Variants in SLC15A2 observed in about 807,000 individuals in gnomAD.
SLC15A2 encodes kidney H(+)/peptide cotransporter.
SLC15A2 carries 77 observed loss-of-function variants against 95.5 expected under a neutral mutation model. The ratio of observed to expected loss-of-function variants is 0.81; its 90% CI spans 0.67 to 0.97. The LOEUF (loss-of-function observed/expected upper bound fraction) is 0.97, where lower values mean the gene tolerates loss of function less well. Ranked by LOEUF, SLC15A2 falls within the 50% of genes least tolerant of loss-of-function variation. The probability of loss-of-function intolerance (pLI) is 0.00; values close to 1 mark genes in which losing one functional copy is unlikely to be tolerated. For missense variants in SLC15A2, 893 were observed against 874.4 expected, an observed-to-expected ratio of 1.02 and a Z score of -0.27; for synonymous variants, 306 against 306.9, an observed-to-expected ratio of 1.00 and a Z score of 0.03.
intron 3 of SLC15A2, among the ~76,000 whole-genome samples, chr3:121,906,453 T>G (rs1709647191): frequency 6.6e-6 from 1 of 152,222 alleles, no homozygotes; most frequent in South Asian, 2.1e-4. Flanking sequence ...CTTTCTAGCA[T>G]TGATGGTCTT....
chr3:121,910,453 C>G (rs891216415), intron 3 of SLC15A2, among the ~76,000 whole-genome samples: 2 of 152,106 alleles, frequency 1.3e-5, no homozygotes, highest in South Asian at 2.1e-4. Context: ...CCTTGGCCCC[C>G]CAAAGTGCTG....
chr3:121,938,531 G>T (rs1463037816), intron 19 of SLC15A2, among the ~76,000 whole-genome samples: 2 of 152,196 alleles, frequency 1.3e-5, no homozygotes, highest in Non-Finnish European at 2.9e-5. Context: ...GATTTTCCAG[G>T]TGCCGTCTGT....
chr3:121,925,083 T>C, intron 13 of SLC15A2, 50 bp downstream of exon 13: 1 of 1,284,798 alleles, frequency 7.8e-7, no homozygotes, highest in African/African-American at 1.5e-5. Context: ...ACTCAGTCTT[T>C]GCCCAGTTTG....
At chr3:121,897,552 T>A in intron 3 of SLC15A2, 23 bp downstream of exon 3, 1 of 1,612,822 alleles carries the variant, frequency 6.2e-7, no homozygotes, top group Non-Finnish European at 8.5e-7. Flanking sequence ...GGAGGTCACA[T>A]CCCTACAAGT....
chr3:121,907,789 G>C (rs1416776321), intron 3 of SLC15A2, among the ~76,000 whole-genome samples: 1 of 152,204 alleles, frequency 6.6e-6, no homozygotes, highest in Admixed American at 6.5e-5. Context: ...GTGTCAGTTG[G>C]TCCCCACTGA....
At chr3:121,895,952 G>T (rs1459103868) in intron 1 of SLC15A2, among the ~76,000 whole-genome samples, 1 of 152,202 alleles carries the variant, frequency 6.6e-6, no homozygotes, top group African/African-American at 2.4e-5. Flanking sequence ...ATTCCTCCCA[G>T]CATGGCAAAC....
intron 16 of SLC15A2, 49 bp from the exon 17 acceptor site, chr3:121,929,253 A>C (rs761003352): frequency 6.2e-7 from 1 of 1,609,618 alleles, no homozygotes; most frequent in Non-Finnish European, 8.5e-7. Flanking sequence ...TTCTGAGTAT[A>C]GGTCTTATTT....
rs1710463064 is a variant in SLC15A2, at chr3:121,941,486, A to G, written c.*479A>G. On this transcript the variant is annotated 3_prime_UTR_variant, in exon 22 of 22. Transcript: ENST00000489711. The stretch of plus-strand genomic sequence containing the variant: ...ACAGGGGCCTCAAGAATTGGTATGT[A>G]TGATGTGATCTGGTCCAGCCAGGGC... 6.6e-6 allele frequency: 1 copy of G among 152,462 alleles called. No homozygotes were observed. The highest frequency in any genetic ancestry group is 1.5e-5 in the Non-Finnish European group (1 of 68,268). The allele number at this position is 152,462 out of a possible 1,614,324, so 9.4% of individuals were successfully genotyped here.
chr3:121,912,818 T>C (rs1709797779), intron 4 of SLC15A2, among the ~76,000 whole-genome samples: 1 of 152,158 alleles, frequency 6.6e-6, no homozygotes, highest in Non-Finnish European at 1.5e-5. Context: ...CATACTTTCT[T>C]GCAGAGGCCG....
chr3:121,909,414 T>C (rs185000837), intron 3 of SLC15A2, among the ~76,000 whole-genome samples: 2 of 152,332 alleles, frequency 1.3e-5, no homozygotes, highest in East Asian at 3.9e-4. Context: ...TTCAGTTTCT[T>C]GATTTGTAAA....
intron 4 of SLC15A2, among the ~76,000 whole-genome samples, chr3:121,912,688 T>C (rs1460350885): frequency 2.0e-5 from 3 of 152,166 alleles, no homozygotes; most frequent in Admixed American, 6.5e-5. Context: ...AAGTACTCCT[T>C]TGACCAAAAC....
rs1710234522 is a variant in SLC15A2 at position 121,931,635 on chromosome 3, C to T, written c.1665-4C>T. 6.3e-7 allele frequency: 1 copy of T among 1,599,368 alleles called. No individual in the cohort carries two copies. The highest frequency in any genetic ancestry group is 8.6e-7 in the Non-Finnish European group (1 of 1,166,894). Reference sequence around the variant, plus strand: ...TATTCTAACCTAAATTCATCCTGTTCCAGATACCCTGCAGTGCACTGTAGA... The same window carrying T: ...TATTCTAACCTAAATTCATCCTGTTTCAGATACCCTGCAGTGCACTGTAGA... On this transcript the variant is annotated splice_polypyrimidine_tract_variant and splice_region_variant and intron_variant, in intron 18 of 21. Coordinates refer to ENST00000489711, the MANE Select transcript of SLC15A2 (RefSeq NM_021082.4).
intron 19 of SLC15A2, among the ~76,000 whole-genome samples, chr3:121,938,255 GAGGC>G (rs1326495413): frequency 2.0e-5 from 3 of 152,250 alleles, no homozygotes; most frequent in Non-Finnish European, 4.4e-5. Flanking sequence ...GGAGCCTACA[GAGGC>G]AGGCAGGCCG....
In SLC15A2 at chr3:121,894,534, G is replaced by GA. The variant is rs758051102; in HGVS notation, c.60dup (p.Glu21ArgfsTer8). Reference sequence around the variant, plus strand: ...AACTCTTTTTTCACCTGTCTCCATTGAAGAGGTACCACCTCGACCACCTAG... The same window carrying GA: ...AACTCTTTTTTCACCTGTCTCCATTGAAAGAGGTACCACCTCGACCACCTAG... On this transcript the variant is annotated frameshift_variant, in exon 1 of 22. Coordinates refer to ENST00000489711, the MANE Select transcript of SLC15A2 (RefSeq NM_021082.4). LOFTEE classifies it high-confidence loss of function. 2 of 1,613,998 alleles carry GA rather than the reference G, an allele frequency of 1.2e-6. No individual in the cohort carries two copies. The highest frequency in any genetic ancestry group is 3.3e-5 in the Admixed American group (2 of 60,002).
At chr3:121,914,956 G>A (rs189055517) in intron 5 of SLC15A2, 649 of 1,164,086 alleles carry the variant, frequency 5.6e-4, no homozygotes, top group Middle Eastern at 7.7e-4. Context: ...TACAGGATAC[G>A]GTAGTGGCAC....
intron 13 of SLC15A2, 117 bp downstream of exon 13, chr3:121,925,150 A>G: frequency 2.7e-6 from 2 of 729,298 alleles, no homozygotes; most frequent in East Asian, 2.5e-5. Flanking sequence ...TTTATCATCT[A>G]TCTGCTTCTA....
rs1195199521 is a variant in SLC15A2, at chr3:121,943,397, T to C, written c.*2390T>C. ...TAAAGATTCTCGGTTCCTGTAATGGTTCCTCACCAGGCATAATTTGTCCTT... is the reference window on the plus strand; with the variant it reads ...TAAAGATTCTCGGTTCCTGTAATGGCTCCTCACCAGGCATAATTTGTCCTT... On this transcript the variant is annotated 3_prime_UTR_variant, in exon 22 of 22. Transcript: ENST00000489711. 1 of 152,192 alleles carries C rather than the reference T, an allele frequency of 6.6e-6. No individual in the cohort carries two copies. The highest frequency in any genetic ancestry group is 1.5e-5 in the Non-Finnish European group (1 of 68,028). The allele number at this position is 152,192 out of a possible 1,614,324, so 9.4% of individuals were successfully genotyped here.
intron 5 of SLC15A2, among the ~76,000 whole-genome samples, chr3:121,914,045 C>G (rs1169738148): frequency 6.6e-6 from 1 of 151,898 alleles, no homozygotes; most frequent in Non-Finnish European, 1.5e-5. Context: ...CCTGTCCTGT[C>G]TTCCAGTGTT....
In SLC15A2 at chr3:121,913,076, C is replaced by A. The variant is rs867335865; in HGVS notation, c.484C>A (p.Pro162Thr). 6.2e-7 allele frequency: 1 copy of A among 1,613,916 alleles called. No homozygotes were observed. Among genetic ancestry groups the A allele is most frequent in the Non-Finnish European group, 8.5e-7 (1 of 1,179,862 alleles). Reference protein sequence around the residue: ...LIALGTGGIKPCVAAFGGDQF... With the variant: ...LIALGTGGIKTCVAAFGGDQF... ...AGCTTTGGGGACAGGAGGCATCAAA[C>A]CCTGTGTGGCAGCTTTTGGTGGAGA... The change falls in exon 5 of 22, where the codon CCC becomes ACC. Residue 162 changes from proline to threonine, a missense_variant. Pro to Thr is a conservative substitution (Grantham distance 38). Coordinates refer to ENST00000489711, the MANE Select transcript of SLC15A2 (RefSeq NM_021082.4).
Sources: allele counts gnomAD v4.1 joint callset (sites outside exome capture counted in the v4.1 genomes callset), GRCh38; gene constraint gnomAD v4.1.1; transcripts MANE v1.5; gene names NCBI Gene and HGNC (gene_info 2026-07-23, HGNC 2026-07-21).